Variants in GRIA1 observed in about 807,000 individuals in gnomAD.
GRIA1 encodes glutamate ionotropic receptor AMPA type subunit 1.
A neutral mutation model predicts 99.2 loss-of-function variants in GRIA1; 31 were observed. The observed-to-expected ratio is 0.31, with a 90% CI of 0.23 to 0.42. The LOEUF is 0.42. Among genes scored for constraint, GRIA1 ranks in the 10% least tolerant of loss-of-function variants. The probability of loss-of-function intolerance (pLI) is 1.00; values close to 1 mark genes in which losing one functional copy is unlikely to be tolerated. For missense variants in GRIA1, 782 were observed against 1,157.5 expected (o/e 0.68, Z 4.71); for synonymous variants, 438 against 432.4 (o/e 1.01, Z -0.16).
At chr5:153,682,573 C>T (rs1288972356) in intron 7 of GRIA1, among the ~76,000 whole-genome samples, 1 of 152,134 alleles carries the variant, frequency 6.6e-6, no homozygotes, top group African/African-American at 2.4e-5. Flanking sequence ...TATGTCGGAT[C>T]ATCCTCGTCC....
chr5:153,548,251 A>C (rs1759789777), intron 2 of GRIA1, among the ~76,000 whole-genome samples: 1 of 152,178 alleles, frequency 6.6e-6, no homozygotes, highest in African/African-American at 2.4e-5. Flanking sequence ...CCACCTTGCC[A>C]ACCAGTTCAT....
chr5:153,635,935 G>A (rs1256360753), intron 2 of GRIA1, among the ~76,000 whole-genome samples: 1 of 152,182 alleles, frequency 6.6e-6, no homozygotes, highest in African/African-American at 2.4e-5. Context: ...GAGGAAGCCT[G>A]GAACTCAGAA....
intron 11 of GRIA1, among the ~76,000 whole-genome samples, chr5:153,714,861 C>G (rs769117770): frequency 6.6e-6 from 1 of 152,092 alleles, no homozygotes; most frequent in African/African-American, 2.4e-5. Flanking sequence ...TCCAAGACAC[C>G]CAGCAGAAAA....
intron 11 of GRIA1, among the ~76,000 whole-genome samples, chr5:153,759,287 T>C (rs1763025815): frequency 6.6e-6 from 1 of 151,598 alleles, no homozygotes. Flanking sequence ...GAGTTGCTTT[T>C]TAGAAAGATA....
At chr5:153,802,186 A>G (rs1766084830) in intron 14 of GRIA1, among the ~76,000 whole-genome samples, 170 bp from the exon 15 acceptor site, 1 of 152,144 alleles carries the variant, frequency 6.6e-6, no homozygotes, top group Admixed American at 6.5e-5. Flanking sequence ...TTCCTGGGGA[A>G]TGTTTAACAC....
At chr5:153,792,609 C>A (rs1241827635) in intron 13 of GRIA1, among the ~76,000 whole-genome samples, 2 of 152,190 alleles carry the variant, frequency 1.3e-5, no homozygotes, top group Non-Finnish European at 2.9e-5. Flanking sequence ...TATCTACTTA[C>A]CCTAGCATTG....
At chr5:153,638,471 T>C (rs1390161434) in intron 2 of GRIA1, among the ~76,000 whole-genome samples, 2 of 152,256 alleles carry the variant, frequency 1.3e-5, no homozygotes, top group African/African-American at 4.8e-5. Flanking sequence ...TCACAGCACC[T>C]TAATTTTCCT....
At chr5:153,492,167 A>T (rs772464660) in intron 1 of GRIA1, 2 of 1,503,606 alleles carry the variant, frequency 1.3e-6, no homozygotes, top group South Asian at 1.3e-5. Context: ...TTGAGGGGGG[A>T]TGTGGTGCAA....
intron 2 of GRIA1, among the ~76,000 whole-genome samples, chr5:153,596,251 A>G (rs1488275023): frequency 2.0e-5 from 3 of 152,242 alleles, no homozygotes; most frequent in African/African-American, 4.8e-5. Context: ...ATGTTTAAAA[A>G]TTATCAAATC....
Position 153,571,413 on chromosome 5 carries a change from T to C in GRIA1, c.221-75515T>C, listed in dbSNP as rs550924494. Among the ~76,000 whole-genome samples the C allele has an allele frequency of 2.0e-5, 3 of 152,324 alleles. No homozygotes were observed. In the East Asian group the frequency reaches 5.8e-4, roughly 29 times the overall value. ...GTCCCAACTACTAAACTCTGCCATG[T>C]AGCTTGAAAGCAGCCAAAGACAACA... On this transcript the variant is annotated intron_variant, in intron 2 of 15. Transcript: ENST00000285900.
At chr5:153,673,254 A>G (rs1756330135) in intron 5 of GRIA1, among the ~76,000 whole-genome samples, 1 of 152,196 alleles carries the variant, frequency 6.6e-6, no homozygotes, top group Admixed American at 6.5e-5. Context: ...CCCTAAGCCA[A>G]GACCACCTCC....
At chr5:153,666,479 G>A (rs1026149300) in intron 5 of GRIA1, among the ~76,000 whole-genome samples, 2 of 152,168 alleles carry the variant, frequency 1.3e-5, no homozygotes, top group African/African-American at 4.8e-5. Context: ...ATAAAAATGT[G>A]TGCTGCTCTG....
At chr5:153,662,294 T>G (rs1755427928) in intron 5 of GRIA1, among the ~76,000 whole-genome samples, 1 of 152,228 alleles carries the variant, frequency 6.6e-6, no homozygotes, top group Non-Finnish European at 1.5e-5. Flanking sequence ...ACTGGGCTCA[T>G]GCAAGAAGGA....
chr5:153,599,131 C>T (rs868332338), intron 2 of GRIA1, among the ~76,000 whole-genome samples: 2 of 152,206 alleles, frequency 1.3e-5, no homozygotes, highest in Non-Finnish European at 2.9e-5. Context: ...ATCCACCCAC[C>T]TCAGCCTGCC....
At chr5:153,632,345 C>A (rs1457410237) in intron 2 of GRIA1, among the ~76,000 whole-genome samples, 2 of 152,186 alleles carry the variant, frequency 1.3e-5, no homozygotes, top group African/African-American at 4.8e-5. Context: ...TCCATATTTT[C>A]TTTAGTCAAT....
chr5:153,647,167 G>C lies in GRIA1; in HGVS notation c.460G>C (p.Gly154Arg). 1 of 1,613,700 alleles carries C rather than the reference G, an allele frequency of 6.2e-7. No homozygotes were observed. The highest frequency in any genetic ancestry group is 8.5e-7 in the Non-Finnish European group (1 of 1,179,772). ...KFVYIYDADR[G>R]LSVLQKVLDT... is the part of the protein sequence containing the mutation. The stretch of plus-strand genomic sequence containing the variant: ...TGTCTACATTTATGATGCCGACCGG[G>C]GTAAGCCAAGGGTTAGGGGAGGGAG... Residue 154 changes from glycine (G) to arginine (R), a missense_variant and splice_region_variant, in exon 3 of 16, where the codon GGC becomes CGC. Physicochemically the swap from Gly to Arg is moderately radical, Grantham distance 125. Transcript: ENST00000285900.
At chr5:153,667,923 G>A (rs1755864499) in intron 5 of GRIA1, among the ~76,000 whole-genome samples, 1 of 152,190 alleles carries the variant, frequency 6.6e-6, no homozygotes, top group Non-Finnish European at 1.5e-5. Context: ...ATTGGCATAT[G>A]ATAGATGGAG....
At chr5:153,767,647 G>A (rs970425618) in intron 12 of GRIA1, among the ~76,000 whole-genome samples, 8 of 151,994 alleles carry the variant, frequency 5.3e-5, no homozygotes, top group Non-Finnish European at 1.0e-4. Flanking sequence ...AGGGAATAGT[G>A]AGACAAGAAT....
intron 2 of GRIA1, among the ~76,000 whole-genome samples, chr5:153,634,113 G>A (rs899265887): frequency 6.6e-6 from 1 of 151,964 alleles, no homozygotes; most frequent in Non-Finnish European, 1.5e-5. Context: ...TCAGGACATC[G>A]AGACCATCCT....
Sources: gnomAD v4.1 joint callset for allele counts (sites outside exome capture counted in the v4.1 genomes callset) on GRCh38, gnomAD v4.1.1 for gene constraint, MANE v1.5 for transcripts, NCBI Gene and HGNC (gene_info 2026-07-23, HGNC 2026-07-21) for gene names.